The following ERBB4 variants were observed in gnomAD, a reference collection of about 807,000 sequenced individuals.
ERBB4 encodes erb-b2 receptor tyrosine kinase 4.
A neutral mutation model predicts 158.0 loss-of-function variants in ERBB4; 42 were observed. The ratio of observed to expected loss-of-function variants is 0.27; its 90% CI spans 0.21 to 0.34. ERBB4 has a LOEUF of 0.34. ERBB4 is among the 10% of genes least tolerant of loss of function. ERBB4 has a pLI of 1.00. For synonymous variants in ERBB4, 583 were observed against 558.7 expected, an observed-to-expected ratio of 1.04 and a Z score of -0.61; for missense variants, 1,333 against 1,624.1, an observed-to-expected ratio of 0.82 and a Z score of 3.08.
chr2:211,392,591 CA>C (rs2062823422), intron 25 of ERBB4, among the ~76,000 whole-genome samples: 4 of 144,116 alleles, frequency 2.8e-5, no homozygotes, highest in African/African-American at 1.0e-4. Context: ...CACACACACA[CA>C]CACACACACC....
intron 1 of ERBB4, among the ~76,000 whole-genome samples, chr2:212,492,805 T>C (rs1232453825): frequency 1.3e-5 from 2 of 151,488 alleles, no homozygotes; most frequent in Non-Finnish European, 3.0e-5. Flanking sequence ...TATGTTTCTT[T>C]GGCAGAAAGA....
At chr2:212,347,565 C>T (rs1430958115) in intron 1 of ERBB4, among the ~76,000 whole-genome samples, 2 of 152,036 alleles carry the variant, frequency 1.3e-5, no homozygotes, top group Admixed American at 6.6e-5. Flanking sequence ...TTGAGCATCC[C>T]TTATTCAAAA....
intron 18 of ERBB4, among the ~76,000 whole-genome samples, chr2:211,619,788 G>T (rs1406301260): frequency 6.6e-6 from 1 of 152,086 alleles, no homozygotes; most frequent in African/African-American, 2.4e-5. Flanking sequence ...ATTGATTTAT[G>T]AATTAATTTT....
intron 1 of ERBB4, among the ~76,000 whole-genome samples, chr2:212,386,380 T>C (rs2090674689): frequency 1.3e-5 from 2 of 151,920 alleles, no homozygotes; most frequent in African/African-American, 4.8e-5. Flanking sequence ...GGGTGGGGAA[T>C]GGCACAATCA....
At chr2:212,151,821 GGAGGTTGCAGT>G (rs1559605194) in intron 1 of ERBB4, among the ~76,000 whole-genome samples, 2 of 152,092 alleles carry the variant, frequency 1.3e-5, no homozygotes, top group Admixed American at 6.6e-5. Flanking sequence ...CCTGGGAGAC[GGAGGTTGCAGT>G]GAGCTGAGAT....
At chr2:211,903,328 C>T (rs79229451) in intron 3 of ERBB4, among the ~76,000 whole-genome samples, 3,123 of 151,946 alleles carry the variant, frequency 0.021, 102 homozygotes, top group African/African-American at 0.068. Context: ...TTTTAATGTC[C>T]TACAGTTTAA....
intron 1 of ERBB4, among the ~76,000 whole-genome samples, chr2:212,410,840 A>T (rs925282460): frequency 9.2e-5 from 14 of 152,072 alleles, no homozygotes; most frequent in South Asian, 2.1e-4. Flanking sequence ...ACACAAACAC[A>T]CACATCTATT....
intron 11 of ERBB4, among the ~76,000 whole-genome samples, chr2:211,702,861 G>A (rs1199761092): frequency 5.3e-5 from 8 of 152,046 alleles, no homozygotes; most frequent in South Asian, 2.1e-4. Flanking sequence ...ATTACTTTGA[G>A]TGACAGAAAA....
At chr2:211,507,522 C>T (rs1012481010) in intron 20 of ERBB4, among the ~76,000 whole-genome samples, 6 of 152,046 alleles carry the variant, frequency 3.9e-5, no homozygotes, top group Admixed American at 6.5e-5. Context: ...GTAACAAAAA[C>T]AGCATGGTAC....
intron 19 of ERBB4, among the ~76,000 whole-genome samples, chr2:211,584,994 T>C (rs1471022913): frequency 1.3e-5 from 2 of 152,014 alleles, no homozygotes; most frequent in East Asian, 3.9e-4. Context: ...TCAATAAAAA[T>C]GTATAATGAT....
Position 211,726,988 on chromosome 2 carries a change from T to C in ERBB4, c.623-1794A>G, listed in dbSNP as rs13409901. Reference sequence around the variant, plus strand: ...TGCTTCTTCACAAGGCATTTCTCCATGTTAAAAATCCTTCCTAGCTTCTCA... The same window carrying C: ...TGCTTCTTCACAAGGCATTTCTCCACGTTAAAAATCCTTCCTAGCTTCTCA... On this transcript the variant is annotated intron_variant, in intron 5 of 27. Transcript: ENST00000342788. Among the ~76,000 whole-genome samples the C allele has an allele frequency of 5.9e-3, 904 of 152,270 alleles. 7 individuals carry two copies. The highest frequency in any genetic ancestry group is 0.021 in the African/African-American group (875 of 41,564).
intron 17 of ERBB4, among the ~76,000 whole-genome samples, 200 bp downstream of exon 17, chr2:211,630,262 C>T (rs576748619): frequency 1.3e-5 from 2 of 152,308 alleles, no homozygotes; most frequent in South Asian, 4.1e-4. Context: ...TGACCACTCC[C>T]ATCTACCCCC....
At chr2:212,538,179 G>A (rs1693213184) in intron 1 of ERBB4, among the ~76,000 whole-genome samples, 1 of 152,200 alleles carries the variant, frequency 6.6e-6, no homozygotes, top group African/African-American at 2.4e-5. Flanking sequence ...TCCCGCTTAG[G>A]CTCCCAAACA....
chr2:212,187,396 A>G (rs1267031718), intron 1 of ERBB4, among the ~76,000 whole-genome samples: 1 of 146,848 alleles, frequency 6.8e-6, no homozygotes, highest in Non-Finnish European at 1.5e-5. Context: ...CAATGTGCAC[A>G]TGTACCCTAA....
At chr2:211,912,080 G>T (rs74503273) in intron 3 of ERBB4, among the ~76,000 whole-genome samples, 1 of 152,120 alleles carries the variant, frequency 6.6e-6, no homozygotes, top group Non-Finnish European at 1.5e-5. Context: ...GAGAAGGTAC[G>T]TAGGAAGACA....
rs546421839 is a variant in ERBB4, at chr2:211,947,157, T to G, written c.421+273A>C. Among the ~76,000 whole-genome samples the G allele has an allele frequency of 2.9e-4, 44 of 152,298 alleles. No homozygotes were observed. The Middle Eastern group carries it at 0.017, about 59-fold the overall frequency. On this transcript the variant is annotated intron_variant, in intron 3 of 27. Transcript: ENST00000342788. ...CTGAAACCACCAAACACAGCATGTT[T>G]CATATCTCAGTTTTCAGTCACAGAG...
chr2:212,307,555 C>T (rs752221214), intron 1 of ERBB4, among the ~76,000 whole-genome samples: 1 of 150,776 alleles, frequency 6.6e-6, no homozygotes, highest in Non-Finnish European at 1.5e-5. Context: ...CATTTTCGCA[C>T]AGTTTTTATG....
At position 212,291,806 on chromosome 2, in the gene ERBB4, G is replaced by A. The variant is rs57358448; in HGVS notation, c.83-166903C>T. The stretch of plus-strand genomic sequence containing the variant: ...CAGACTATATAGCAAATTCCTGATA[G>A]CACTGTACCCATAACATCTTAAATG... On this transcript the variant is annotated intron_variant, in intron 1 of 27. Transcript: ENST00000342788. Among the ~76,000 whole-genome samples the A allele has an allele frequency of 1.8e-3, 276 of 152,032 alleles. 3 individuals are homozygous for A. The highest frequency in any genetic ancestry group is 6.4e-3 in the African/African-American group (264 of 41,522).
chr2:212,446,380 G>A (rs1320412227), intron 1 of ERBB4, among the ~76,000 whole-genome samples: 2 of 150,932 alleles, frequency 1.3e-5, no homozygotes, highest in Non-Finnish European at 3.0e-5. Flanking sequence ...TATAAAGCAG[G>A]CAGAAAAACG....
Sources: gnomAD v4.1 joint callset for allele counts (sites outside exome capture counted in the v4.1 genomes callset) on GRCh38, gnomAD v4.1.1 for gene constraint, MANE v1.5 for transcripts, NCBI Gene and HGNC (gene_info 2026-07-23, HGNC 2026-07-21) for gene names.